The following MDM2 variants were observed in gnomAD, a reference collection of about 807,000 sequenced individuals.
The protein encoded by MDM2 is MDM2 proto-oncogene.
Under a neutral mutation model 64.3 loss-of-function variants are expected in MDM2, and 11 were observed. The ratio of observed to expected loss-of-function variants is 0.17; its 90% CI spans 0.11 to 0.28. The LOEUF is 0.28. Ranked by LOEUF, MDM2 falls within the 10% of genes least tolerant of loss-of-function variation. The pLI, the probability that MDM2 is intolerant of heterozygous loss-of-function variation, is 1.00. For synonymous variants in MDM2, 194 were observed against 192.9 expected (o/e 1.01, Z -0.05); for missense variants, 388 against 577.1 (o/e 0.67, Z 3.36).
chr12:68,836,471 G>C (rs1883315493), intron 9 of MDM2: 1 of 461,730 alleles, frequency 2.2e-6, no homozygotes, highest in South Asian at 3.1e-5. Context: ...AACATCCTTT[G>C]TATTGACTTT....
At position 68,844,812 on chromosome 12, in the gene MDM2, G is replaced by C. The variant is rs1592611124; in HGVS notation, c.*4963G>C. 5.0e-6 allele frequency: 1 copy of C among 200,702 alleles called. No individual in the cohort carries two copies. The highest frequency in any genetic ancestry group is 7.7e-5 in the East Asian group (1 of 13,004). 12.4% of individuals were successfully genotyped at this position (200,702 alleles called of 1,614,324 possible). ...GACGGAGTCTTGCTCTGTGGCTCAG[G>C]CTGGAGTACAGTGGTGCAATCTTGG... On this transcript the variant is annotated 3_prime_UTR_variant, in exon 11 of 11. Transcript: ENST00000258149.
chr12:68,844,929 C>T lies in MDM2; in HGVS notation c.*5080C>T, dbSNP rs948591886. The T allele has an allele frequency of 2.5e-5, 5 of 197,320 alleles. No homozygotes were observed. Among genetic ancestry groups the T allele is most frequent in the Admixed American group, 1.2e-4 (2 of 16,412 alleles). The allele number at this position is 197,320 out of a possible 1,614,324, so 12.2% of individuals were successfully genotyped here. A position where few individuals can be genotyped will look rare whatever the true frequency, so the allele number is the denominator to read the frequency against. On this transcript the variant is annotated 3_prime_UTR_variant, in exon 11 of 11. Transcript: ENST00000258149. ...GTTAGAGCACCCTGTCACCACGCCCCGCTAATTTTTGTATTTCTAGCAGAG... is the reference window on the plus strand; with the variant it reads ...GTTAGAGCACCCTGTCACCACGCCCTGCTAATTTTTGTATTTCTAGCAGAG...
chr12:68,833,292 TATATTTATATAAATATAAAAATATAA>T lies in MDM2; in HGVS notation c.685-2536_685-2511del, dbSNP rs1388300530. Among the ~76,000 whole-genome samples, 413 of 121,994 alleles carry T rather than the reference TATATTTATATAAATATAAAAATATAA, an allele frequency of 3.4e-3. 32 individuals are homozygous for T. The highest frequency in any genetic ancestry group is 4.5e-3 in the Non-Finnish European group (270 of 60,322). 80.0% of individuals were successfully genotyped at this position (121,994 alleles called of 152,430 possible). A position where few individuals can be genotyped will look rare whatever the true frequency, so the allele number is the denominator to read the frequency against. The stretch of plus-strand genomic sequence containing the variant: ...ATATATTTATATAAATATAAATATA[TATATTTATATAAATATAAAAATATAA>T]TTATATAAATATAAAAATATATATT... On this transcript the variant is annotated intron_variant, in intron 8 of 10. Coordinates refer to ENST00000258149, the MANE Select transcript of MDM2 (RefSeq NM_002392.6).
intron 10 of MDM2, among the ~76,000 whole-genome samples, chr12:68,838,397 G>A (rs1883477303): frequency 6.6e-6 from 1 of 152,170 alleles, no homozygotes; most frequent in Non-Finnish European, 1.5e-5. Context: ...AAAGGAAGAA[G>A]CATTGAGCAG....
intron 2 of MDM2, 69 bp downstream of exon 2, chr12:68,809,361 A>G (rs567979044): frequency 1.5e-6 from 2 of 1,355,240 alleles, no homozygotes; most frequent in South Asian, 1.2e-5. Flanking sequence ...TAAATTTCGT[A>G]TACCTCAATT....
intron 10 of MDM2, 77 bp downstream of exon 10, chr12:68,836,826 C>A: frequency 1.2e-6 from 1 of 819,834 alleles, no homozygotes; most frequent in Non-Finnish European, 2.0e-6. Flanking sequence ...TAGCTTCTTT[C>A]TGAAATGAAC....
chr12:68,831,946 C>T (rs1421765957), intron 8 of MDM2, among the ~76,000 whole-genome samples: 1 of 152,114 alleles, frequency 6.6e-6, no homozygotes, highest in Non-Finnish European at 1.5e-5. Flanking sequence ...TGGCGGGCAC[C>T]TGTAATCTAG....
At position 68,844,778 on chromosome 12, in the gene MDM2, AT is replaced by A; in HGVS notation, c.*4935del. Reference sequence around the variant, plus strand: ...TAAGGGTTTTATTTTATTTTTATTTATTTTTTGAGACGGAGTCTTGCTCTGT... The same window carrying A: ...TAAGGGTTTTATTTTATTTTTATTTATTTTTGAGACGGAGTCTTGCTCTGT... On this transcript the variant is annotated 3_prime_UTR_variant, in exon 11 of 11. Coordinates refer to ENST00000258149, the MANE Select transcript of MDM2 (RefSeq NM_002392.6). 9.9e-6 allele frequency: 2 copies of A among 201,768 alleles called. No individual in the cohort carries two copies. Among genetic ancestry groups the A allele is most frequent in the African/African-American group, 2.3e-5 (1 of 43,612 alleles). The allele number at this position is 201,768 out of a possible 1,614,324, so 12.5% of individuals were successfully genotyped here.
At chr12:68,831,745 G>C (rs1882813914) in intron 8 of MDM2, among the ~76,000 whole-genome samples, 1 of 151,942 alleles carries the variant, frequency 6.6e-6, no homozygotes, top group South Asian at 2.1e-4. Context: ...TGTTAGTCCT[G>C]TCCTGCATTC....
rs539416797 is a variant in MDM2 at position 68,836,213 on chromosome 12, G to T, written c.840+229G>T. 2.0e-5 allele frequency among the ~76,000 whole-genome samples: 3 copies of T among 152,094 alleles called. No homozygotes were observed. In the East Asian group the frequency reaches 5.8e-4, roughly 29 times the overall value. On this transcript the variant is annotated intron_variant, in intron 9 of 10. Transcript: ENST00000258149. ...TGCCAAGAAGTCAATAGACCTCAAT[G>T]AACATGCTTATTATAATGGTCTGTT... is the stretch of plus-strand genomic sequence containing the variant.
At chr12:68,847,807 T>C (rs1048867235), downstream of MDM2, 1 of 152,194 alleles carries the variant, frequency 6.6e-6, no homozygotes, top group African/African-American at 2.4e-5. Flanking sequence ...GTAAAGGATG[T>C]TGATTGGCAT....
intron 5 of MDM2, among the ~76,000 whole-genome samples, chr12:68,821,511 C>T (rs1014065136): frequency 1.6e-4 from 24 of 152,034 alleles, no homozygotes; most frequent in African/African-American, 5.3e-4. Context: ...TCACTTGAGC[C>T]GAGGAGTTCA....
chr12:68,839,911 C>A lies in MDM2; in HGVS notation c.*62C>A, dbSNP rs756143588. On this transcript the variant is annotated 3_prime_UTR_variant, in exon 11 of 11. Transcript: ENST00000258149. The stretch of plus-strand genomic sequence containing the variant: ...ATATAACCCTAGGAATTTAGACAAC[C>A]TGAAATTTATTCACATATATCAAAG... The A allele has an allele frequency of 6.9e-7, 1 of 1,442,518 alleles. No individual in the cohort carries two copies. The highest frequency in any genetic ancestry group is 2.4e-5 in the East Asian group (1 of 41,496). 89.4% of individuals were successfully genotyped at this position (1,442,518 alleles called of 1,614,324 possible).
chr12:68,829,899 T>C (rs1489085557), intron 8 of MDM2, among the ~76,000 whole-genome samples: 1 of 152,252 alleles, frequency 6.6e-6, no homozygotes, highest in Non-Finnish European at 1.5e-5. Flanking sequence ...GAAAGAAGTT[T>C]GGTAAAAAAT....
At chr12:68,816,663 A>G (rs1042196005) in intron 3 of MDM2, 149 bp from the exon 4 acceptor site, 5 of 674,242 alleles carry the variant, frequency 7.4e-6, no homozygotes, top group Non-Finnish European at 1.1e-5. Context: ...AGCCAAAAGT[A>G]GCTTCTAAGT....
intron 10 of MDM2, among the ~76,000 whole-genome samples, chr12:68,838,379 C>T (rs1445902896): frequency 6.6e-6 from 1 of 151,924 alleles, no homozygotes; most frequent in Admixed American, 6.6e-5. Flanking sequence ...TGGGATAAAA[C>T]GTTGGGAAAA....
chr12:68,808,971 T>G (rs1346448058), intron 1 of MDM2: 97 of 1,414,412 alleles, frequency 6.9e-5, no homozygotes, highest in Non-Finnish European at 1.2e-5. Context: ...AGTTAAGTCC[T>G]GACTTGTCTC....
Position 68,840,594 on chromosome 12 carries a change from T to G in MDM2, c.*745T>G, listed in dbSNP as rs1436577795. Reference sequence around the variant, plus strand: ...AGTGTCATGATCTAGCAGTCTCCGCTTCCCGGGTTCAAGCCATTCTCCTGG... The same window carrying G: ...AGTGTCATGATCTAGCAGTCTCCGCGTCCCGGGTTCAAGCCATTCTCCTGG... On this transcript the variant is annotated 3_prime_UTR_variant, in exon 11 of 11. Coordinates refer to ENST00000258149, the MANE Select transcript of MDM2 (RefSeq NM_002392.6). 1.1e-5 allele frequency: 2 copies of G among 185,252 alleles called. No individual in the cohort carries two copies. The highest frequency in any genetic ancestry group is 1.2e-4 in the Admixed American group (2 of 16,042). The allele number at this position is 185,252 out of a possible 1,614,324, so 11.5% of individuals were successfully genotyped here. A position where few individuals can be genotyped will look rare whatever the true frequency, so the allele number is the denominator to read the frequency against.
At chr12:68,808,710 G>A (rs1483514658) in intron 1 of MDM2, among the ~76,000 whole-genome samples, 1 of 151,090 alleles carries the variant, frequency 6.6e-6, no homozygotes, top group Non-Finnish European at 1.5e-5. Flanking sequence ...ATTTCGGACG[G>A]CTCTCGCGGC....
Sources: allele counts gnomAD v4.1 joint callset (sites outside exome capture counted in the v4.1 genomes callset), GRCh38; gene constraint gnomAD v4.1.1; transcripts MANE v1.5; gene names NCBI Gene and HGNC (gene_info 2026-07-23, HGNC 2026-07-21).